PTPRD: variants seen among roughly 807,000 people sequenced by gnomAD.
PTPRD encodes protein tyrosine phosphatase receptor type D.
Under a neutral mutation model 214.5 loss-of-function variants are expected in PTPRD, and 34 were observed. The observed-to-expected ratio is 0.16, with a 90% CI of 0.12 to 0.21. The LOEUF is 0.21. Among genes scored for constraint, PTPRD ranks in the 10% least tolerant of loss-of-function variants. The pLI is 1.00. For missense variants in PTPRD, 2,545 were observed against 2,398.7 expected, an observed-to-expected ratio of 1.06 and a Z score of -1.27; for synonymous variants, 1,128 against 845.7, an observed-to-expected ratio of 1.33 and a Z score of -5.79.
At chr9:9,989,208 G>C (rs1203329030) in intron 4 of PTPRD, among the ~76,000 whole-genome samples, 2 of 151,962 alleles carry the variant, frequency 1.3e-5, no homozygotes, top group Non-Finnish European at 2.9e-5. Context: ...GGAAATACTG[G>C]GTAGAAGTGG....
At chr9:9,414,373 T>G (rs1341453186) in intron 8 of PTPRD, among the ~76,000 whole-genome samples, 2 of 152,222 alleles carry the variant, frequency 1.3e-5, no homozygotes, top group Non-Finnish European at 2.9e-5. Flanking sequence ...GATGGAGAAT[T>G]AAGGTCTTTG....
intron 5 of PTPRD, among the ~76,000 whole-genome samples, chr9:9,884,726 C>T (rs1045643757): frequency 1.6e-4 from 25 of 152,070 alleles, no homozygotes; most frequent in Admixed American, 1.6e-3. Flanking sequence ...TACCTACATG[C>T]TGTTTTCATG....
intron 14 of PTPRD, 151 bp from the exon 15 acceptor site, chr9:8,528,930 G>A: frequency 1.4e-6 from 1 of 717,642 alleles, no homozygotes; most frequent in Admixed American, 2.6e-5. Context: ...CAGTCACAAT[G>A]CTGCTACTGA....
intron 9 of PTPRD, among the ~76,000 whole-genome samples, chr9:9,213,590 A>G (rs2099950227): frequency 6.6e-6 from 1 of 152,064 alleles, no homozygotes; most frequent in African/African-American, 2.4e-5. Flanking sequence ...AATCGGTTAT[A>G]TTTATTACAA....
At chr9:9,488,040 C>T (rs1414718082) in intron 8 of PTPRD, among the ~76,000 whole-genome samples, 1 of 152,052 alleles carries the variant, frequency 6.6e-6, no homozygotes, top group Non-Finnish European at 1.5e-5. Flanking sequence ...GGTAGACTTT[C>T]CTGGATTGTT....
intron 10 of PTPRD, among the ~76,000 whole-genome samples, chr9:9,068,642 C>G (rs573669989): frequency 6.7e-6 from 1 of 148,944 alleles, no homozygotes; most frequent in South Asian, 2.2e-4. Context: ...GAGATGGAGT[C>G]TCACTTGTCC....
At chr9:10,150,457 A>G (rs529473661) in intron 3 of PTPRD, among the ~76,000 whole-genome samples, 37 of 152,064 alleles carry the variant, frequency 2.4e-4, no homozygotes, top group Non-Finnish European at 4.6e-4. Context: ...TGGGAATTGA[A>G]CAACGAGAAC....
chr9:9,679,461 G>T (rs1038562406), intron 7 of PTPRD, among the ~76,000 whole-genome samples: 12 of 151,798 alleles, frequency 7.9e-5, no homozygotes, highest in African/African-American at 2.7e-4. Context: ...GAGACCATGT[G>T]GCACCTGATA....
At chr9:10,342,051 T>C (rs970871473) in intron 2 of PTPRD, among the ~76,000 whole-genome samples, 3 of 152,032 alleles carry the variant, frequency 2.0e-5, no homozygotes, top group African/African-American at 7.2e-5. Flanking sequence ...TTGGAATAAA[T>C]TGCAATTAAA....
At position 9,990,009 on chromosome 9, in the gene PTPRD, C is replaced by T. The variant is rs547977655; in HGVS notation, c.-472+43709G>A. 3.3e-5 allele frequency among the ~76,000 whole-genome samples: 5 copies of T among 152,338 alleles called. No homozygotes were observed. The East Asian group carries it at 7.8e-4, about 24-fold the overall frequency. On this transcript the variant is annotated intron_variant, in intron 4 of 45. Coordinates refer to ENST00000381196, the MANE Select transcript of PTPRD (RefSeq NM_002839.4). ...ATCCCATCTCAACTGGGGGCTCTCC[C>T]AGGATTCATCAGATGTGTGAGTAAC...
chr9:10,297,618 T>C (rs1032386851), intron 3 of PTPRD, among the ~76,000 whole-genome samples: 23 of 151,612 alleles, frequency 1.5e-4, no homozygotes, highest in African/African-American at 5.1e-4. Context: ...AAGTTGCTGG[T>C]GTACACTCTA....
intron 3 of PTPRD, among the ~76,000 whole-genome samples, chr9:10,139,213 T>A (rs2098964643): frequency 6.6e-6 from 1 of 151,294 alleles, no homozygotes; most frequent in South Asian, 2.1e-4. Context: ...ACAAGATAAA[T>A]GCATAAAATT....
At chr9:8,961,778 A>C (rs945369292) in intron 11 of PTPRD, among the ~76,000 whole-genome samples, 1 of 152,136 alleles carries the variant, frequency 6.6e-6, no homozygotes, top group Non-Finnish European at 1.5e-5. Flanking sequence ...ATGACTTCAC[A>C]GCATCTGGCA....
chr9:9,939,177 A>T (rs531952815), intron 4 of PTPRD, among the ~76,000 whole-genome samples: 29 of 152,262 alleles, frequency 1.9e-4, no homozygotes, highest in African/African-American at 6.3e-4. Flanking sequence ...GCTACTATGG[A>T]AATAGACCGC....
chr9:10,523,723 A>T (rs2053329417), intron 2 of PTPRD, among the ~76,000 whole-genome samples: 1 of 150,378 alleles, frequency 6.6e-6, no homozygotes, highest in Non-Finnish European at 1.5e-5. Context: ...AATTTTACAT[A>T]AATGGCTATT....
At chr9:10,511,868 G>C (rs1393321885) in intron 2 of PTPRD, among the ~76,000 whole-genome samples, 1 of 86,944 alleles carries the variant, frequency 1.2e-5, no homozygotes, top group African/African-American at 4.1e-5. Flanking sequence ...GTGTGTGTGT[G>C]TGTGTGTGTG....
In PTPRD at chr9:8,994,843, T is replaced by C. The variant is rs76257781; in HGVS notation, c.-104+23854A>G. ...TAAAGAATTTGGATTTCATCTTATA[T>C]GCAACTAAAAATACTCTTAGTTGTT... On this transcript the variant is annotated intron_variant, in intron 11 of 45. Transcript: ENST00000381196. 5.7e-3 allele frequency among the ~76,000 whole-genome samples: 867 copies of C among 152,188 alleles called. 6 individuals are homozygous for C. The highest frequency in any genetic ancestry group is 0.019 in the African/African-American group (809 of 41,552).
chr9:8,557,755 AAAAAAAAAAAAAG>A (rs1271177897), intron 14 of PTPRD, among the ~76,000 whole-genome samples: 3 of 133,578 alleles, frequency 2.2e-5, no homozygotes, highest in African/African-American at 1.1e-4. Flanking sequence ...TAAAAAAAAA[AAAAAAAAAAAAAG>A]AAAAACAAAA....
intron 2 of PTPRD, among the ~76,000 whole-genome samples, chr9:10,552,294 C>A (rs542121602): frequency 2.6e-5 from 4 of 152,188 alleles, no homozygotes; most frequent in African/African-American, 7.2e-5. Context: ...TCATTCCAGT[C>A]CAAAAGTTTC....
Sources: gnomAD v4.1 joint callset for allele counts (sites outside exome capture counted in the v4.1 genomes callset) on GRCh38, gnomAD v4.1.1 for gene constraint, MANE v1.5 for transcripts, NCBI Gene and HGNC (gene_info 2026-07-23, HGNC 2026-07-21) for gene names.